Variants in RORB observed in about 807,000 individuals in gnomAD.
The protein encoded by RORB is RAR related orphan receptor B.
A neutral mutation model predicts 59.1 loss-of-function variants in RORB; 6 were observed. The ratio of observed to expected loss-of-function variants is 0.10; its 90% CI spans 0.06 to 0.20. The LOEUF (loss-of-function observed/expected upper bound fraction) is 0.20. Ranked by LOEUF, RORB falls within the 10% of genes least tolerant of loss-of-function variation. The pLI, the probability that RORB is intolerant of heterozygous loss-of-function variation, is 1.00. For synonymous variants in RORB, 215 were observed against 204.5 expected, an observed-to-expected ratio of 1.05 and a Z score of -0.44; for missense variants, 320 against 560.5, an observed-to-expected ratio of 0.57 and a Z score of 4.33.
At chr9:74,628,122 A>G (rs977762419) in intron 1 of RORB, among the ~76,000 whole-genome samples, 1 of 152,222 alleles carries the variant, frequency 6.6e-6, no homozygotes, top group Non-Finnish European at 1.5e-5. Context: ...AATCATTAAC[A>G]GACTAAGGAC....
intron 1 of RORB, among the ~76,000 whole-genome samples, chr9:74,499,411 G>T (rs1738395402): frequency 6.6e-6 from 1 of 152,156 alleles, no homozygotes; most frequent in African/African-American, 2.4e-5. Context: ...TGGACTCAAG[G>T]GTTTGCTGGC....
intron 1 of RORB, among the ~76,000 whole-genome samples, chr9:74,525,388 G>A (rs1188192078): frequency 2.0e-5 from 3 of 151,920 alleles, no homozygotes; most frequent in African/African-American, 7.2e-5. Flanking sequence ...AAATCAGTGG[G>A]AAACCAAAAA....
intron 1 of RORB, among the ~76,000 whole-genome samples, chr9:74,516,421 A>C (rs1826011434): frequency 6.6e-6 from 1 of 152,012 alleles, no homozygotes. Flanking sequence ...CCTCCAAGAG[A>C]GTTCTCACTG....
chr9:74,576,813 G>T lies in RORB; in HGVS notation c.8-53469G>T, dbSNP rs189677548. Among the ~76,000 whole-genome samples the T allele has an allele frequency of 2.0e-5, 3 of 152,116 alleles. No homozygotes were observed. In the East Asian group the frequency reaches 5.8e-4, roughly 29 times the overall value. ...TAATGATAGCTAACACTTAACTAGT[G>T]GGTACTACATGCCATGTACCAGCAA... On this transcript the variant is annotated intron_variant, in intron 1 of 9. Coordinates refer to ENST00000376896, the MANE Select transcript of RORB (RefSeq NM_006914.4).
At chr9:74,554,323 T>A (rs1358460367) in intron 1 of RORB, among the ~76,000 whole-genome samples, 1 of 152,204 alleles carries the variant, frequency 6.6e-6, no homozygotes, top group Non-Finnish European at 1.5e-5. Flanking sequence ...AATTGCAACC[T>A]GAGAAGCCCA....
chr9:74,546,164 T>C (rs1826486135), intron 1 of RORB, among the ~76,000 whole-genome samples: 1 of 152,164 alleles, frequency 6.6e-6, no homozygotes. Context: ...ACTGCCATGA[T>C]GGGAAGCAAA....
intron 1 of RORB, among the ~76,000 whole-genome samples, chr9:74,580,947 A>T (rs1357528636): frequency 6.6e-6 from 1 of 152,164 alleles, no homozygotes; most frequent in Non-Finnish European, 1.5e-5. Context: ...GAATCTCCAG[A>T]CGTGAATGAA....
chr9:74,516,447 G>A (rs1044987963), intron 1 of RORB, among the ~76,000 whole-genome samples: 2 of 151,990 alleles, frequency 1.3e-5, no homozygotes, highest in African/African-American at 4.8e-5. Flanking sequence ...CAGAGATTTG[G>A]TTATTAGAAG....
At position 74,647,575 on chromosome 9, in the gene RORB, T is replaced by C. The variant is rs914351770; in HGVS notation, c.637+4760T>C. Among the ~76,000 whole-genome samples the C allele has an allele frequency of 1.4e-4, 22 of 152,342 alleles. No homozygotes were observed. In the East Asian group the frequency reaches 3.9e-3, roughly 27 times the overall value. On this transcript the variant is annotated intron_variant, in intron 4 of 9. Transcript: ENST00000376896. ...ATGTGAATTAACTGATCCCTTCTTA[T>C]ATTGTCTTTAACACAGACTTATTTT...
Position 74,630,332 on chromosome 9 carries a change from A to G in RORB, c.58A>G (p.Ile20Val). Residue 20 changes from isoleucine to valine, a missense_variant, in exon 2 of 10, where the codon ATC (isoleucine) becomes GTC (valine). Ile to Val is a conservative substitution (Grantham distance 29, BLOSUM62 3). Coordinates refer to ENST00000376896, the MANE Select transcript of RORB (RefSeq NM_006914.4). ...AATTTGTGGCGATAAGTCCTCTGGG[A>G]TCCACTACGGAGTCATCACATGTGA... ...CKICGDKSSG[I>V]HYGVITCEGC... 6.2e-7 allele frequency: 1 copy of G among 1,613,650 alleles called. No individual in the cohort carries two copies. The highest frequency in any genetic ancestry group is 8.5e-7 in the Non-Finnish European group (1 of 1,179,682).
At chr9:74,585,642 AC>A (rs1412413912) in intron 1 of RORB, among the ~76,000 whole-genome samples, 2 of 152,152 alleles carry the variant, frequency 1.3e-5, no homozygotes, top group African/African-American at 4.8e-5. Flanking sequence ...TTGGTACTAT[AC>A]CGTCAACTAG....
intron 1 of RORB, among the ~76,000 whole-genome samples, chr9:74,557,128 C>A (rs1822313151): frequency 6.6e-6 from 1 of 152,092 alleles, no homozygotes; most frequent in African/African-American, 2.4e-5. Flanking sequence ...TATTCTCATC[C>A]CCATTATCAG....
chr9:74,604,853 ACC>A (rs1359421127), intron 1 of RORB, among the ~76,000 whole-genome samples: 1 of 152,230 alleles, frequency 6.6e-6, no homozygotes, highest in East Asian at 1.9e-4. Context: ...ATTTTCATTT[ACC>A]ACTTAATAGT....
intron 4 of RORB, among the ~76,000 whole-genome samples, chr9:74,655,669 T>G (rs1357365494): frequency 6.6e-6 from 1 of 152,194 alleles, no homozygotes; most frequent in Non-Finnish European, 1.5e-5. Context: ...ACTGTATTCA[T>G]TGTCTCTCCT....
intron 1 of RORB, among the ~76,000 whole-genome samples, chr9:74,558,107 T>C (rs1006777133): frequency 6.6e-6 from 1 of 152,202 alleles, no homozygotes; most frequent in Non-Finnish European, 1.5e-5. Context: ...ATATTTACTT[T>C]ATGTAAATAT....
chr9:74,622,483 G>A lies in RORB; in HGVS notation c.8-7799G>A, dbSNP rs556507209. ...TTTTTAGAACCTCTGAAATGTTATC[G>A]TGTATATGAATCACAGAGATGCTGT... On this transcript the variant is annotated intron_variant, in intron 1 of 9. Coordinates refer to ENST00000376896, the MANE Select transcript of RORB (RefSeq NM_006914.4). Among the ~76,000 whole-genome samples, 22 of 143,196 alleles carry A rather than the reference G, an allele frequency of 1.5e-4. No homozygotes were observed. In the South Asian group the frequency reaches 1.6e-3, roughly 10 times the overall value. 93.9% of individuals were successfully genotyped at this position (143,196 alleles called of 152,430 possible). A position where few individuals can be genotyped will look rare whatever the true frequency, so the allele number is the denominator to read the frequency against.
intron 4 of RORB, among the ~76,000 whole-genome samples, chr9:74,656,817 G>A (rs779991229): frequency 3.3e-5 from 5 of 152,122 alleles, no homozygotes; most frequent in Admixed American, 1.3e-4. Context: ...AGTTATCTCT[G>A]AATTGGTAAA....
chr9:74,655,882 T>C (rs1223153274), intron 4 of RORB, among the ~76,000 whole-genome samples: 1 of 152,196 alleles, frequency 6.6e-6, no homozygotes, highest in Non-Finnish European at 1.5e-5. Context: ...TGCACATGGC[T>C]CACCTCTGCA....
rs187590062 is a variant in RORB, at chr9:74,640,840, C to T, written c.236-1574C>T. Among the ~76,000 whole-genome samples the T allele has an allele frequency of 1.3e-3, 193 of 152,220 alleles. 1 individual carries two copies. The highest frequency in any genetic ancestry group is 4.4e-3 in the African/African-American group (182 of 41,540). On this transcript the variant is annotated intron_variant, in intron 3 of 9. Transcript: ENST00000376896. ...CTCAGATAAATATGGTAGCTCTGTA[C>T]CCAATGGGAAAAGAAAATGAATTTT...
Sources: gnomAD v4.1 joint callset for allele counts (sites outside exome capture counted in the v4.1 genomes callset) on GRCh38, gnomAD v4.1.1 for gene constraint, MANE v1.5 for transcripts, NCBI Gene and HGNC (gene_info 2026-07-23, HGNC 2026-07-21) for gene names.